The following AFAP1 variants were observed in gnomAD, a reference collection of about 807,000 sequenced individuals.
AFAP1 encodes actin filament-associated protein 1.
Under a neutral mutation model 93.9 loss-of-function variants are expected in AFAP1, and 75 were observed. That is an observed-to-expected ratio of 0.80 (90% confidence interval 0.66 to 0.97). The LOEUF (loss-of-function observed/expected upper bound fraction) is 0.97. Among genes scored for constraint, AFAP1 ranks in the 50% least tolerant of loss-of-function variants. The probability of loss-of-function intolerance (pLI) is 0.00; values close to 1 mark genes in which losing one functional copy is unlikely to be tolerated. For missense variants in AFAP1, 1,201 were observed against 1,050.8 expected (o/e 1.14, Z -1.98); for synonymous variants, 517 against 430.7 (o/e 1.20, Z -2.48).
At chr4:7,909,928 G>C (rs545619846) in intron 1 of AFAP1, among the ~76,000 whole-genome samples, 73 of 152,322 alleles carry the variant, frequency 4.8e-4, no homozygotes, top group African/African-American at 1.7e-3. Flanking sequence ...TCATTGAGAT[G>C]CTAAGCACTA....
At chr4:7,864,343 C>A (rs1716167330) in intron 3 of AFAP1, among the ~76,000 whole-genome samples, 1 of 152,204 alleles carries the variant, frequency 6.6e-6, no homozygotes, top group Non-Finnish European at 1.5e-5. Context: ...AGCTGCCTAC[C>A]AGTCCCGTCC....
chr4:7,921,439 C>T (rs749004191), intron 1 of AFAP1, among the ~76,000 whole-genome samples: 2 of 151,876 alleles, frequency 1.3e-5, no homozygotes, highest in Non-Finnish European at 2.9e-5. Context: ...CCTGTCTCCG[C>T]CTCTCAAAGC....
intron 1 of AFAP1, among the ~76,000 whole-genome samples, chr4:7,917,177 A>G (rs942180377): frequency 6.6e-6 from 1 of 152,162 alleles, no homozygotes; most frequent in African/African-American, 2.4e-5. Flanking sequence ...ACCCTGTCAC[A>G]TGGTAAATGC....
Position 7,939,758 on chromosome 4 carries a change from C to A in AFAP1, c.-105G>T, listed in dbSNP as rs1467872932. ...AGCCGCAGCCGCCTTAACAATGGAG[C>A]CCCGGGGCGGGGCCGCCGCCGCCGC... On this transcript the variant is annotated 5_prime_UTR_variant, in exon 1 of 18. Transcript: ENST00000420658. This position sits in a 1 kb window ranked among gnomAD's most constrained non-coding sequence, Gnocchi z 5.6. 1 of 402,786 alleles carries A rather than the reference C, an allele frequency of 2.5e-6. No individual in the cohort carries two copies. The highest frequency in any genetic ancestry group is 4.9e-6 in the Non-Finnish European group (1 of 205,422). 25.0% of individuals were successfully genotyped at this position (402,786 alleles called of 1,614,324 possible).
chr4:7,812,945 C>A (rs1485974600), intron 8 of AFAP1, among the ~76,000 whole-genome samples: 2 of 152,188 alleles, frequency 1.3e-5, no homozygotes, highest in Non-Finnish European at 2.9e-5. Flanking sequence ...AGCCCCCAAA[C>A]AGAAGGTCCC....
chr4:7,817,112 T>G (rs889551048), intron 7 of AFAP1, among the ~76,000 whole-genome samples: 1 of 152,144 alleles, frequency 6.6e-6, no homozygotes, highest in African/African-American at 2.4e-5. Context: ...TGCAGTATGG[T>G]GGGAAATAAA....
At chr4:7,859,158 C>G (rs34072304) in intron 3 of AFAP1, among the ~76,000 whole-genome samples, 21,380 of 152,198 alleles carry the variant, frequency 0.14, 1,559 homozygotes, top group Non-Finnish European at 0.17. Flanking sequence ...CGGTGGCTCA[C>G]GCCTGTAATC....
chr4:7,870,563 G>A (rs2149180716), intron 2 of AFAP1, among the ~76,000 whole-genome samples: 1 of 152,246 alleles, frequency 6.6e-6, no homozygotes, highest in Non-Finnish European at 1.5e-5. Context: ...AGGCTGCAGT[G>A]GGAGGATCAC....
At chr4:7,896,189 A>G (rs1271397552) in intron 1 of AFAP1, among the ~76,000 whole-genome samples, 1 of 152,074 alleles carries the variant, frequency 6.6e-6, no homozygotes, top group Non-Finnish European at 1.5e-5. Context: ...AAATGGTCCA[A>G]TTTCTATGGA....
intron 1 of AFAP1, among the ~76,000 whole-genome samples, chr4:7,932,424 T>C (rs1294342115): frequency 6.6e-6 from 1 of 152,214 alleles, no homozygotes; most frequent in South Asian, 2.1e-4. Flanking sequence ...AACTCAGGAA[T>C]GTGAATCGCT....
At chr4:7,777,889 T>C (rs1272961277) in intron 14 of AFAP1, 1 of 152,176 alleles carries the variant, frequency 6.6e-6, no homozygotes, top group Non-Finnish European at 1.5e-5. Context: ...AGTGAAAAAA[T>C]GCTGCCTGGC....
intron 12 of AFAP1, among the ~76,000 whole-genome samples, chr4:7,782,164 G>A (rs1577200020): frequency 6.6e-6 from 1 of 152,322 alleles, no homozygotes; most frequent in Middle Eastern, 3.4e-3. Flanking sequence ...TCGTCTCACA[G>A]TCATCCGGGG....
intron 1 of AFAP1, among the ~76,000 whole-genome samples, chr4:7,921,099 C>A (rs1178076225): frequency 2.0e-5 from 3 of 151,392 alleles, no homozygotes; most frequent in Admixed American, 2.0e-4. Context: ...CCTGAGTGAA[C>A]CACACATCCT....
chr4:7,846,086 A>G (rs139239001), intron 4 of AFAP1, among the ~76,000 whole-genome samples: 95 of 152,320 alleles, frequency 6.2e-4, no homozygotes, highest in African/African-American at 2.1e-3. Flanking sequence ...ACAAGCATCA[A>G]ATGCTGCCAA....
At chr4:7,795,161 G>A (rs941367069) in intron 10 of AFAP1, among the ~76,000 whole-genome samples, 1 of 152,096 alleles carries the variant, frequency 6.6e-6, no homozygotes, top group African/African-American at 2.4e-5. Flanking sequence ...TAACAAACAA[G>A]CAGCTACTTT....
At chr4:7,815,366 C>G (rs551517489) in intron 8 of AFAP1, among the ~76,000 whole-genome samples, 1 of 152,316 alleles carries the variant, frequency 6.6e-6, no homozygotes, top group African/African-American at 2.4e-5. Flanking sequence ...ACTTAATGCA[C>G]TGAACTGTAC....
At chr4:7,883,728 A>C (rs1717983285) in intron 1 of AFAP1, among the ~76,000 whole-genome samples, 1 of 152,236 alleles carries the variant, frequency 6.6e-6, no homozygotes, top group Non-Finnish European at 1.5e-5. Flanking sequence ...AACAATAAAA[A>C]AGTAAACTAC....
chr4:7,799,297 A>G (rs1412713289), intron 10 of AFAP1: 1 of 153,614 alleles, frequency 6.5e-6, no homozygotes, highest in East Asian at 2.0e-4. Flanking sequence ...GCCCTGCAGG[A>G]AAAAGACAGT....
intron 6 of AFAP1, among the ~76,000 whole-genome samples, chr4:7,834,777 T>A (rs1418419708): frequency 1.3e-5 from 2 of 152,228 alleles, no homozygotes; most frequent in East Asian, 3.8e-4. Flanking sequence ...CCTGGCAAAA[T>A]ACCCATAAGC....
Sources: allele counts gnomAD v4.1 joint callset (sites outside exome capture counted in the v4.1 genomes callset), GRCh38; gene constraint gnomAD v4.1.1; non-coding constraint Gnocchi (gnomAD v3.1); transcripts MANE v1.5; gene names NCBI Gene and HGNC (gene_info 2026-07-23, HGNC 2026-07-21).